The following TMX2 variants were observed in gnomAD, a reference collection of about 807,000 sequenced individuals.
TMX2 encodes thioredoxin related transmembrane protein 2.
Under a neutral mutation model 33.4 loss-of-function variants are expected in TMX2, and 20 were observed. The observed-to-expected ratio is 0.60, with a 90% CI of 0.42 to 0.87. TMX2 has a LOEUF of 0.87. Among genes scored for constraint, TMX2 ranks in the 40% least tolerant of loss-of-function variants. The pLI is 0.00. For synonymous variants in TMX2, 166 were observed against 140.7 expected (o/e 1.18, Z -1.27); for missense variants, 340 against 370.7 (o/e 0.92, Z 0.68).
chr11:57,721,577 A>G (rs1303957408), intron 1 of TMX2, among the ~76,000 whole-genome samples: 2 of 151,968 alleles, frequency 1.3e-5, no homozygotes, highest in Admixed American at 6.6e-5. Flanking sequence ...CGGCCTCCCA[A>G]AGTGCTGGGA....
chr11:57,740,320 C>G lies in TMX2; in HGVS notation c.*75C>G, dbSNP rs1370195397. ...CATAACCACAAGCCTGAGGCTGCAGCCTTTTATTTATGTTTTCCCTTTGGC... is the reference window on the plus strand; with the variant it reads ...CATAACCACAAGCCTGAGGCTGCAGGCTTTTATTTATGTTTTCCCTTTGGC... On this transcript the variant is annotated 3_prime_UTR_variant, in exon 8 of 8. Coordinates refer to ENST00000278422, the MANE Select transcript of TMX2 (RefSeq NM_015959.4). 5 of 1,470,818 alleles carry G rather than the reference C, an allele frequency of 3.4e-6. No homozygotes were observed. The highest frequency in any genetic ancestry group is 2.8e-5 in the South Asian group (2 of 70,884). The allele number at this position is 1,470,818 out of a possible 1,614,324, so 91.1% of individuals were successfully genotyped here. A position where few individuals can be genotyped will look rare whatever the true frequency, so the allele number is the denominator to read the frequency against.
intron 1 of TMX2, among the ~76,000 whole-genome samples, chr11:57,727,041 G>T (rs530552551): frequency 2.0e-5 from 3 of 152,156 alleles, no homozygotes; most frequent in Non-Finnish European, 4.4e-5. Context: ...CTGTCTTTAT[G>T]ATATTTGTTA....
At chr11:57,733,852 A>G (rs1948559462) in intron 1 of TMX2, among the ~76,000 whole-genome samples, 1 of 152,292 alleles carries the variant, frequency 6.6e-6, no homozygotes. Context: ...TCATCCCAGC[A>G]TCATCCAGCC....
At chr11:57,713,245 C>G (rs577741) in intron 1 of TMX2, among the ~76,000 whole-genome samples, 41,696 of 151,938 alleles carry the variant, frequency 0.27, 6,816 homozygotes, top group East Asian at 0.79. Flanking sequence ...GTGACTTGCC[C>G]CAGGTCATAC....
In TMX2 at chr11:57,732,890, T is replaced by G. The variant is rs12791518; in HGVS notation, c.190-4718T>G. Among the ~76,000 whole-genome samples the G allele has an allele frequency of 8.2e-3, 1,255 of 152,256 alleles. 6 individuals carry two copies. The highest frequency in any genetic ancestry group is 0.014 in the Non-Finnish European group (937 of 68,022). ...CATGCGGTGTCCTTAGGCCATATGG[T>G]CCTTGTGGGAGCATCATAGAGTGTA... On this transcript the variant is annotated intron_variant, in intron 1 of 7. Coordinates refer to ENST00000278422, the MANE Select transcript of TMX2 (RefSeq NM_015959.4).
intron 1 of TMX2, 134 bp downstream of exon 1, chr11:57,712,941 G>A: frequency 8.7e-6 from 8 of 917,454 alleles, no homozygotes; most frequent in Non-Finnish European, 1.2e-5. Context: ...AGACTATTAA[G>A]TGCAGGGTCC....
At chr11:57,731,125 GTTTTTTTTT>G (rs757832822) in intron 1 of TMX2, among the ~76,000 whole-genome samples, 4,562 of 85,804 alleles carry the variant, frequency 0.053, 176 homozygotes, top group African/African-American at 0.18. Context: ...TTTGTTTTTT[GTTTTTTTTT>G]TTTTTTTTTT....
chr11:57,733,640 G>C (rs1948546110), intron 1 of TMX2, among the ~76,000 whole-genome samples: 1 of 152,150 alleles, frequency 6.6e-6, no homozygotes, highest in Admixed American at 6.6e-5. Flanking sequence ...TAGCATATAT[G>C]AATTGGAAAT....
intron 1 of TMX2, among the ~76,000 whole-genome samples, chr11:57,713,750 G>T (rs1232270016): frequency 6.6e-6 from 1 of 152,222 alleles, no homozygotes; most frequent in Non-Finnish European, 1.5e-5. Flanking sequence ...GAATATGGGA[G>T]ATGGGAAAAT....
chr11:57,738,293 G>T, intron 3 of TMX2, 61 bp from the exon 4 acceptor site: 1 of 1,298,164 alleles, frequency 7.7e-7, no homozygotes, highest in African/African-American at 1.5e-5. Context: ...GGTTGGTTTG[G>T]AAGTAAATTC....
At chr11:57,727,211 C>G (rs1329051030) in intron 1 of TMX2, among the ~76,000 whole-genome samples, 4 of 152,080 alleles carry the variant, frequency 2.6e-5, no homozygotes, top group African/African-American at 9.7e-5. Flanking sequence ...AAACAATTGG[C>G]TATTACATCA....
intron 1 of TMX2, among the ~76,000 whole-genome samples, chr11:57,736,477 AACTGTAAGACGAGT>A (rs1948757896): frequency 6.6e-6 from 1 of 152,180 alleles, no homozygotes; most frequent in Admixed American, 6.5e-5. Context: ...AAGGTGAGAA[AACTGTAAGACGAGT>A]ATTGAAAAGG....
At chr11:57,733,879 C>T (rs1948561546) in intron 1 of TMX2, among the ~76,000 whole-genome samples, 1 of 152,046 alleles carries the variant, frequency 6.6e-6, no homozygotes, top group South Asian at 2.1e-4. Context: ...TGAAAAAAAG[C>T]TGGAATGCGG....
chr11:57,715,837 G>A (rs1249989241), intron 1 of TMX2, among the ~76,000 whole-genome samples: 1 of 151,102 alleles, frequency 6.6e-6, no homozygotes, highest in African/African-American at 2.4e-5. Flanking sequence ...ATCTTGCACC[G>A]CCCTTAATCC....
At chr11:57,717,909 A>T in intron 1 of TMX2, 1 of 631,944 alleles carries the variant, frequency 1.6e-6, no homozygotes, top group South Asian at 1.8e-5. Flanking sequence ...AAAACACGGA[A>T]CCCAAAGGGA....
At position 57,737,982 on chromosome 11, in the gene TMX2, G is replaced by T. The variant is rs1180213286; in HGVS notation, c.320G>T (p.Arg107Leu). The T allele has an allele frequency of 6.2e-7, 1 of 1,613,716 alleles. No individual in the cohort carries two copies. Among genetic ancestry groups the T allele is most frequent in the East Asian group, 2.2e-5 (1 of 44,890 alleles). The change falls in exon 3 of 8, where the codon CGC becomes CTC. Residue 107 changes from arginine to leucine, a missense_variant. Physicochemically the swap from Arg to Leu is moderately radical, Grantham distance 102 (BLOSUM62 -2). Transcript: ENST00000278422. The stretch of plus-strand genomic sequence containing the variant: ...GTGGCCAACACAATTCTTTTCTTCC[G>T]CTTGGATATTCGCATGGGCCTACTT... The part of the protein sequence containing the change: ...SKVANTILFF[R>L]LDIRMGLLYI...
chr11:57,733,229 T>A (rs1425433875), intron 1 of TMX2, among the ~76,000 whole-genome samples: 1 of 150,606 alleles, frequency 6.6e-6, no homozygotes, highest in Non-Finnish European at 1.5e-5. Flanking sequence ...TAAGTCCTCG[T>A]GTAAGACACA....
chr11:57,732,136 C>A (rs1948444967), intron 1 of TMX2, among the ~76,000 whole-genome samples: 1 of 152,122 alleles, frequency 6.6e-6, no homozygotes, highest in South Asian at 2.1e-4. Context: ...ACTAGTGTTT[C>A]CGTGTGCGTT....
intron 1 of TMX2, among the ~76,000 whole-genome samples, chr11:57,721,231 G>T (rs1169495810): frequency 6.6e-6 from 1 of 152,032 alleles, no homozygotes; most frequent in Non-Finnish European, 1.5e-5. Flanking sequence ...GAACTGGGAG[G>T]CAGAGGTTGC....
Sources: gnomAD v4.1 joint callset for allele counts (sites outside exome capture counted in the v4.1 genomes callset) on GRCh38, gnomAD v4.1.1 for gene constraint, MANE v1.5 for transcripts, NCBI Gene and HGNC (gene_info 2026-07-23, HGNC 2026-07-21) for gene names.